Variants in PLEKHG5 observed in about 807,000 individuals in gnomAD.
PLEKHG5 encodes pleckstrin homology domain-containing family G member 5.
PLEKHG5 carries 52 observed loss-of-function variants against 103.8 expected under a neutral mutation model. The ratio of observed to expected loss-of-function variants is 0.50; its 90% CI spans 0.40 to 0.63. PLEKHG5 has a LOEUF of 0.63. Among genes scored for constraint, PLEKHG5 ranks in the 30% least tolerant of loss-of-function variants. PLEKHG5 has a pLI of 0.00. For missense variants in PLEKHG5, 1,205 were observed against 1,347.6 expected (o/e 0.89, Z 1.66); for synonymous variants, 592 against 575.5 (o/e 1.03, Z -0.41).
chr1:6,471,446 C>A (rs942943574), intron 12 of PLEKHG5, 42 bp downstream of exon 12: 4 of 1,591,682 alleles, frequency 2.5e-6, no homozygotes, highest in African/African-American at 2.7e-5. Flanking sequence ...GGCGCCCCAG[C>A]CCTGCCTCAG....
rs1644505666 is a variant in PLEKHG5, at chr1:6,469,561, C to T, written c.1916G>A (p.Arg639Gln). The T allele has an allele frequency of 6.2e-7, 1 of 1,613,850 alleles. No individual in the cohort carries two copies. The highest frequency in any genetic ancestry group is 2.2e-5 in the East Asian group (1 of 44,888). Residue 639 changes from arginine (R) to glutamine (Q), a missense_variant, in exon 17 of 21, where the codon CGG becomes CAG. Physicochemically the swap from Arg to Gln is conservative, Grantham distance 43. Transcript: ENST00000377728. ...PPLLVDKIVC[R>Q]ELRDPGSFLL... is the part of the protein sequence containing the mutation. ...CTCCTTACCAGGGTCCCGTAGCTCCCGGCACACAATCTTGTCCACGAGCAG... is the reference window on the plus strand; with the variant it reads ...CTCCTTACCAGGGTCCCGTAGCTCCTGGCACACAATCTTGTCCACGAGCAG...
intron 6 of PLEKHG5, 46 bp from the exon 7 acceptor site, chr1:6,474,210 G>A (rs762771907): frequency 6.8e-6 from 11 of 1,607,390 alleles, no homozygotes; most frequent in Non-Finnish European, 9.4e-6. Flanking sequence ...TGGTCTGGTG[G>A]AGGAGGGGGT....
intron 10 of PLEKHG5, 76 bp downstream of exon 10, chr1:6,472,451 A>C: frequency 9.5e-7 from 1 of 1,052,736 alleles, no homozygotes; most frequent in African/African-American, 1.6e-5. Context: ...CCTTCTGCAA[A>C]GGCTCAGACT....
chr1:6,497,294 T>G, upstream of PLEKHG5: 1 of 1,015,904 alleles, frequency 9.8e-7, no homozygotes, highest in Non-Finnish European at 1.4e-6. The surrounding 1 kb of genome is among the most constrained non-coding windows in gnomAD (Gnocchi z 6.1). Context: ...CCGCCCCGCG[T>G]CCGCCGGGTC....
chr1:6,509,622 A>ACATC (rs1442861563), intron 1 of PLEKHG5, among the ~76,000 whole-genome samples: 1 of 152,170 alleles, frequency 6.6e-6, no homozygotes, highest in Non-Finnish European at 1.5e-5. Flanking sequence ...GGGCCCCTGA[A>ACATC]CATCCTTTCT....
Position 6,470,517 on chromosome 1 carries a change from C to T in PLEKHG5, c.1669G>A (p.Glu557Lys), listed in dbSNP as rs754429270. ...ACACACACGCCCACCTTGTCCACTT[C>T]GTCGCTGCTGCTTTCCACCACCTCG... The part of the protein sequence containing the change: ...AYEVVESSSD[E>K]VDKLLKEFLH... Residue 557 changes from glutamate (E) to lysine (K), a missense_variant, in exon 15 of 21, where the codon GAA (glutamate) becomes AAA (lysine). Physicochemically the swap from Glu to Lys is moderately conservative, Grantham distance 56. Coordinates refer to ENST00000377728, the MANE Select transcript of PLEKHG5 (RefSeq NM_020631.6). The T allele has an allele frequency of 6.2e-7, 1 of 1,609,936 alleles. No homozygotes were observed. Among genetic ancestry groups the T allele is most frequent in the Non-Finnish European group, 8.5e-7 (1 of 1,179,948 alleles).
In PLEKHG5 at chr1:6,474,134, A is replaced by C; in HGVS notation, c.470T>G (p.Val157Gly). Reference sequence around the variant, plus strand: ...CTTGGAGTCCTTCATGCCCTGCTCCACCTTGCCCTCATCTCCAGGCTTGGC... The same window carrying C: ...CTTGGAGTCCTTCATGCCCTGCTCCCCCTTGCCCTCATCTCCAGGCTTGGC... The part of the protein sequence containing the change: ...APAKPGDEGK[V>G]EQGMKDSKSL... Residue 157 changes from valine (V) to glycine (G), a missense_variant, in exon 7 of 21, where the codon GTG becomes GGG. Transcript: ENST00000377728. 1.2e-6 allele frequency: 2 copies of C among 1,613,442 alleles called. No individual in the cohort carries two copies. The highest frequency in any genetic ancestry group is 4.5e-5 in the East Asian group (2 of 44,864).
At chr1:6,469,276 G>A (rs1207771192) in intron 18 of PLEKHG5, 35 bp from the exon 19 acceptor site, 20 of 1,613,578 alleles carry the variant, frequency 1.2e-5, no homozygotes, top group Non-Finnish European at 1.4e-5. Flanking sequence ...GGACAGAATG[G>A]GTTGTGACCA....
chr1:6,467,937 T>C lies in PLEKHG5; in HGVS notation c.2899A>G (p.Arg967Gly), dbSNP rs1644437419. The change falls in exon 20 of 21, where the codon AGG becomes GGG. Residue 967 changes from arginine (R) to glycine (G), a missense_variant. Coordinates refer to ENST00000377728, the MANE Select transcript of PLEKHG5 (RefSeq NM_020631.6). ...CGDLPSGASP[R>G]VQPEPPPGVS... ...CCTGGTGGGGGCTCAGGCTGGACCC[T>C]GGGAGAGGCCCCCGAGGGCAGGTCT... is the stretch of plus-strand genomic sequence containing the variant. 2 of 1,585,108 alleles carry C rather than the reference T, an allele frequency of 1.3e-6. No individual in the cohort carries two copies. The highest frequency in any genetic ancestry group is 1.3e-5 in the African/African-American group (1 of 74,258).
chr1:6,471,409 G>C (rs1644582270), intron 12 of PLEKHG5, 79 bp downstream of exon 12: 1 of 1,476,246 alleles, frequency 6.8e-7, no homozygotes, highest in South Asian at 1.3e-5. Flanking sequence ...ATGCTGGGCA[G>C]ACCGGATCGG....
chr1:6,512,526 G>A (rs1481987804), intron 1 of PLEKHG5, among the ~76,000 whole-genome samples: 2 of 152,218 alleles, frequency 1.3e-5, no homozygotes, highest in Non-Finnish European at 2.9e-5. Context: ...AGGGTGGGAG[G>A]CCCAGTCACT....
In PLEKHG5 at chr1:6,471,580, G is replaced by T; in HGVS notation, c.1189C>A (p.Leu397Met). 1.2e-6 allele frequency: 2 copies of T among 1,600,954 alleles called. No homozygotes were observed. Among genetic ancestry groups the T allele is most frequent in the Middle Eastern group, 1.7e-4 (1 of 5,964 alleles). ...ACCGGCGCCATCACGCTAGCCCACA[G>T]CCTGCGGTGCAGCTGCGCGATCTCC... ...IPEIAQLHRR[L>M]WASVMAPVLE... Residue 397 changes from leucine to methionine, a missense_variant, in exon 12 of 21, where the codon CTG becomes ATG. Physicochemically the swap from Leu to Met is conservative, Grantham distance 15. Transcript: ENST00000377728.
In PLEKHG5 at chr1:6,490,575, C is replaced by A; in HGVS notation, c.-88+1062G>T. The A allele has an allele frequency of 2.0e-6, 2 of 985,418 alleles. No individual in the cohort carries two copies. Among genetic ancestry groups the A allele is most frequent in the East Asian group, 1.1e-4 (1 of 8,796 alleles). 61.0% of individuals were successfully genotyped at this position (985,418 alleles called of 1,614,324 possible). On this transcript the variant is annotated intron_variant, in intron 1 of 20. Coordinates refer to ENST00000377728, the MANE Select transcript of PLEKHG5 (RefSeq NM_020631.6). This position sits in a 1 kb window ranked among gnomAD's most constrained non-coding sequence, Gnocchi z 8.0. The stretch of plus-strand genomic sequence containing the variant: ...CGGGACGGGCTCAGTCGACTCAGCG[C>A]AAACTGGGGCGCGGGACGTAGGGGA...
exon 1 of PLEKHG5, chr1:6,519,565 G>A (rs1407481997): frequency 8.4e-6 from 11 of 1,307,928 alleles, no homozygotes; most frequent in Non-Finnish European, 1.2e-5. Flanking sequence ...ACATGCCAAT[G>A]CCACAGGCCT....
In PLEKHG5 at chr1:6,471,570, C is replaced by A; in HGVS notation, c.1199G>T (p.Ser400Ile). The part of the protein sequence containing the change: ...IAQLHRRLWA[S>I]VMAPVLEKAR... ...CTTCTCCAGCACCGGCGCCATCACG[C>A]TAGCCCACAGCCTGCGGTGCAGCTG... Residue 400 changes from serine to isoleucine, a missense_variant, in exon 12 of 21, where the codon AGC becomes ATC. Physicochemically the swap from Ser to Ile is moderately radical, Grantham distance 142 (BLOSUM62 -2). Coordinates refer to ENST00000377728, the MANE Select transcript of PLEKHG5 (RefSeq NM_020631.6). The A allele has an allele frequency of 6.2e-7, 1 of 1,602,884 alleles. No individual in the cohort carries two copies. The highest frequency in any genetic ancestry group is 8.5e-7 in the Non-Finnish European group (1 of 1,175,908).
chr1:6,485,926 T>C (rs1459410105), intron 1 of PLEKHG5: 4 of 985,414 alleles, frequency 4.1e-6, no homozygotes, highest in Non-Finnish European at 4.8e-6. Context: ...CAGAACTTGC[T>C]CTTTCTCCTG....
intron 1 of PLEKHG5, among the ~76,000 whole-genome samples, chr1:6,513,726 A>G (rs1246617544): frequency 6.6e-6 from 1 of 152,224 alleles, no homozygotes; most frequent in Non-Finnish European, 1.5e-5. Context: ...ATTTCAAACC[A>G]TCTACCCCAT....
At chr1:6,483,864 C>T (rs969331411) in intron 1 of PLEKHG5, among the ~76,000 whole-genome samples, 20 of 152,332 alleles carry the variant, frequency 1.3e-4, no homozygotes, top group African/African-American at 4.6e-4. Context: ...TTCCTGGGAG[C>T]CCCCCGTCTG....
rs750132016 is a variant in PLEKHG5, at chr1:6,468,138, G to A, written c.2698C>T (p.Arg900Cys). 5.7e-6 allele frequency: 9 copies of A among 1,571,364 alleles called. No individual in the cohort carries two copies. Among genetic ancestry groups the A allele is most frequent in the Admixed American group, 3.6e-5 (2 of 55,846 alleles). Residue 900 changes from arginine (R) to cysteine (C), a missense_variant, in exon 20 of 21, where the codon CGC becomes TGC. Physicochemically the swap from Arg to Cys is radical, Grantham distance 180. Coordinates refer to ENST00000377728, the MANE Select transcript of PLEKHG5 (RefSeq NM_020631.6). ...GTHGTPSAPS[R>C]SLSELCLAVP... is the part of the protein sequence containing the mutation. The stretch of plus-strand genomic sequence containing the variant: ...GCCAGGCAGAGCTCTGACAGGCTGC[G>A]GCTGGGGGCAGAGGGTGTCCCATGG...
Sources: gnomAD v4.1 joint callset for allele counts (sites outside exome capture counted in the v4.1 genomes callset) on GRCh38, gnomAD v4.1.1 for gene constraint, Gnocchi (gnomAD v3.1) non-coding constraint, MANE v1.5 for transcripts, NCBI Gene and HGNC (gene_info 2026-07-23, HGNC 2026-07-21) for gene names.